Variants in PALM2AKAP2 observed in about 807,000 individuals in gnomAD.
PALM2AKAP2 encodes the protein PALM2 and AKAP2 fusion, also known as PALM2-AKAP2 fusion protein.
In PALM2AKAP2, 37 loss-of-function variants were observed where a neutral mutation model predicts 71.5. That is an observed-to-expected ratio of 0.52 (90% CI 0.40 to 0.68). PALM2AKAP2 has a LOEUF of 0.68. Ranked by LOEUF, PALM2AKAP2 falls within the 30% of genes least tolerant of loss-of-function variation. The probability of loss-of-function intolerance (pLI) is 0.00; values close to 1 mark genes in which losing one functional copy is unlikely to be tolerated. For missense variants in PALM2AKAP2, 1,224 were observed against 1,191.8 expected (o/e 1.03, Z -0.40); for synonymous variants, 468 against 478.8 (o/e 0.98, Z 0.29).
At chr9:109,712,941 T>G (rs190933539) in intron 1 of PALM2AKAP2, among the ~76,000 whole-genome samples, 1 of 152,352 alleles carries the variant, frequency 6.6e-6, no homozygotes, top group East Asian at 1.9e-4. Context: ...TAGTCCTGCT[T>G]TCTAAAGCAC....
At chr9:109,899,821 G>T (rs76218106) in intron 3 of PALM2AKAP2, among the ~76,000 whole-genome samples, 1 of 152,124 alleles carries the variant, frequency 6.6e-6, no homozygotes, top group African/African-American at 2.4e-5. Context: ...GAACCATCAA[G>T]TCTCAGCTGA....
chr9:109,876,277 A>G (rs1315818693), intron 2 of PALM2AKAP2, among the ~76,000 whole-genome samples: 3 of 152,118 alleles, frequency 2.0e-5, no homozygotes, highest in Admixed American at 6.5e-5. Context: ...ACACCATTCC[A>G]TTTGGAGACA....
chr9:109,686,352 TAAAC>T (rs1827805316), intron 1 of PALM2AKAP2, among the ~76,000 whole-genome samples: 1 of 152,234 alleles, frequency 6.6e-6, no homozygotes. Flanking sequence ...ACGTATTTCT[TAAAC>T]AATAAGACTT....
At position 109,728,463 on chromosome 9, in the gene PALM2AKAP2, C is replaced by T. The variant is rs1025051836; in HGVS notation, c.6-52025C>T. On this transcript the variant is annotated intron_variant, in intron 1 of 6. Transcript: ENST00000374531. ...ACACAGAAGGAAGAAGTAAAAGAAG[C>T]GAGCTGAGAAAAATCTCATCCTGAT... Among the ~76,000 whole-genome samples, 9 of 152,286 alleles carry T rather than the reference C, an allele frequency of 5.9e-5. No homozygotes were observed. In the South Asian group the frequency reaches 1.7e-3, roughly 28 times the overall value.
At chr9:109,685,236 TGTGTATGTTTATACACATACC>T (rs1415564960) in intron 1 of PALM2AKAP2, among the ~76,000 whole-genome samples, 36 of 152,312 alleles carry the variant, frequency 2.4e-4, no homozygotes, top group African/African-American at 8.4e-4. Flanking sequence ...ATCCCATGAC[TGTGTATGTTTATACACATACC>T]GTGTATGTCA....
At chr9:109,697,188 G>GAA (rs1209401293) in intron 1 of PALM2AKAP2, among the ~76,000 whole-genome samples, 1 of 151,938 alleles carries the variant, frequency 6.6e-6, no homozygotes, top group Non-Finnish European at 1.5e-5. Flanking sequence ...TAGACATTAA[G>GAA]AAGAGAGAAG....
intron 3 of PALM2AKAP2, among the ~76,000 whole-genome samples, chr9:109,888,377 T>C (rs1271029558): frequency 6.6e-6 from 1 of 152,036 alleles, no homozygotes; most frequent in East Asian, 1.9e-4. Flanking sequence ...AGGTCAGGTG[T>C]GTTTGTGAAG....
intron 1 of PALM2AKAP2, among the ~76,000 whole-genome samples, chr9:109,693,550 T>C (rs1052287855): frequency 5.3e-5 from 8 of 152,042 alleles, no homozygotes; most frequent in Non-Finnish European, 1.0e-4. Flanking sequence ...AGATAATTGA[T>C]TTTAAACTTA....
At chr9:109,863,386 T>C (rs776558102) in intron 1 of PALM2AKAP2, among the ~76,000 whole-genome samples, 3 of 152,122 alleles carry the variant, frequency 2.0e-5, no homozygotes, top group Non-Finnish European at 4.4e-5. Context: ...GTAGTGTCAT[T>C]TGCTGAGATG....
intron 6 of PALM2AKAP2, among the ~76,000 whole-genome samples, chr9:109,942,410 C>T (rs1202228148): frequency 6.6e-6 from 1 of 152,166 alleles, no homozygotes. Context: ...GATCTAAAGT[C>T]TCTTGTGCCC....
At chr9:110,075,416 C>G (rs1345214795) in intron 1 of PALM2AKAP2, among the ~76,000 whole-genome samples, 1 of 151,702 alleles carries the variant, frequency 6.6e-6, no homozygotes, top group African/African-American at 2.4e-5. Flanking sequence ...TTCATTTTTC[C>G]TAATTATAAA....
intron 1 of PALM2AKAP2, among the ~76,000 whole-genome samples, chr9:109,732,721 A>G (rs1301429475): frequency 1.3e-5 from 2 of 152,198 alleles, no homozygotes; most frequent in African/African-American, 4.8e-5. Flanking sequence ...GATGAGTGCT[A>G]TGGAGAAAAA....
intron 3 of PALM2AKAP2, among the ~76,000 whole-genome samples, chr9:110,166,902 C>G (rs936518468): frequency 6.6e-6 from 1 of 152,054 alleles, no homozygotes; most frequent in Admixed American, 6.6e-5. Flanking sequence ...TTTCATACTG[C>G]TATGAAGAAA....
intron 1 of PALM2AKAP2, among the ~76,000 whole-genome samples, chr9:109,833,801 G>A (rs111852591): frequency 1.5e-3 from 226 of 152,298 alleles, no homozygotes; most frequent in African/African-American, 4.6e-3. Context: ...CTGACCTCTG[G>A]GGAATAATAC....
At chr9:110,013,141 C>T (rs1048097009) in intron 6 of PALM2AKAP2, among the ~76,000 whole-genome samples, 1 of 152,134 alleles carries the variant, frequency 6.6e-6, no homozygotes, top group Non-Finnish European at 1.5e-5. Flanking sequence ...GGACTCTCAT[C>T]CACTTGCAGG....
intron 1 of PALM2AKAP2, among the ~76,000 whole-genome samples, chr9:110,094,817 C>T (rs1834798965): frequency 6.6e-6 from 1 of 152,158 alleles, no homozygotes; most frequent in Non-Finnish European, 1.5e-5. Flanking sequence ...TTTGTCTTCT[C>T]ACTCTTCTGC....
At position 110,121,660 on chromosome 9, in the gene PALM2AKAP2, C is replaced by G. The variant is rs117930038; in HGVS notation, c.157-14467C>G. Among the ~76,000 whole-genome samples the G allele has an allele frequency of 8.5e-4, 130 of 152,346 alleles. 2 individuals are homozygous for G. The East Asian group carries it at 0.024, about 28-fold the overall frequency. Reference sequence around the variant, plus strand: ...GGAACTTTCTGTCACACTAAGGTGACTGGTGACTGTCACAAATGGGAAAGT... The same window carrying G: ...GGAACTTTCTGTCACACTAAGGTGAGTGGTGACTGTCACAAATGGGAAAGT... On this transcript the variant is annotated intron_variant, in intron 1 of 3. Transcript: ENST00000374525.
At chr9:109,985,019 T>C (rs1040841649) in intron 6 of PALM2AKAP2, among the ~76,000 whole-genome samples, 13 of 151,178 alleles carry the variant, frequency 8.6e-5, no homozygotes, top group Non-Finnish European at 1.5e-5. Context: ...TACTAAAAAA[T>C]ACAAAAATTA....
chr9:110,162,473 G>A (rs578209272), intron 3 of PALM2AKAP2, among the ~76,000 whole-genome samples: 23 of 152,280 alleles, frequency 1.5e-4, no homozygotes, highest in African/African-American at 5.5e-4. Context: ...GGCATTAATA[G>A]CAAGTATACT....
Sources: allele counts gnomAD v4.1 joint callset (sites outside exome capture counted in the v4.1 genomes callset), GRCh38; gene constraint gnomAD v4.1.1; transcripts MANE v1.5; gene names NCBI Gene and HGNC (gene_info 2026-07-23, HGNC 2026-07-21).